The following PCNX2 variants were observed in gnomAD, a reference collection of about 807,000 sequenced individuals.
PCNX2 encodes pecanex-like protein 2.
A neutral mutation model predicts 223.8 loss-of-function variants in PCNX2; 168 were observed. The observed-to-expected ratio is 0.75, with a 90% confidence interval of 0.66 to 0.85. The LOEUF is 0.85. PCNX2 is among the 40% of genes least tolerant of loss of function. The probability of loss-of-function intolerance (pLI) is 0.00; values close to 1 mark genes in which losing one functional copy is unlikely to be tolerated. For missense variants in PCNX2, 2,507 were observed against 2,675.5 expected, an observed-to-expected ratio of 0.94 and a Z score of 1.39; for synonymous variants, 1,006 against 1,052.6, an observed-to-expected ratio of 0.96 and a Z score of 0.86.
intron 1 of PCNX2, among the ~76,000 whole-genome samples, chr1:233,284,520 C>T (rs1184926496): frequency 6.6e-6 from 1 of 152,148 alleles, no homozygotes; most frequent in East Asian, 1.9e-4. Flanking sequence ...GATTCCATCT[C>T]CCATCTTTAC....
chr1:233,090,598 G>A (rs1361352258), intron 22 of PCNX2, among the ~76,000 whole-genome samples: 1 of 152,124 alleles, frequency 6.6e-6, no homozygotes, highest in Non-Finnish European at 1.5e-5. Context: ...TAATATAACT[G>A]TTTGGGAAGG....
chr1:233,120,656 G>A (rs1675728662), intron 21 of PCNX2, among the ~76,000 whole-genome samples: 1 of 152,126 alleles, frequency 6.6e-6, no homozygotes, highest in Non-Finnish European at 1.5e-5. Context: ...TCTTAGAAAA[G>A]TGAGTGAAAA....
At position 233,252,495 on chromosome 1, in the gene PCNX2, G is replaced by A; in HGVS notation, c.1987C>T (p.Gln663Ter). ...TQPAKTTAFF[Q>*]GNRQRQIIYR... ...ATTATCTGTCTTTGTCTATTGCCCT[G>A]AAAACTTAACACATATAAAAGTTTC... Residue 663 changes from glutamine to a stop codon, truncating the protein, a stop_gained, in exon 7 of 34, where the codon CAG becomes TAG. Transcript: ENST00000258229. LOFTEE classifies it high-confidence loss of function. The A allele has an allele frequency of 6.2e-7, 1 of 1,603,716 alleles. No homozygotes were observed. Among genetic ancestry groups the A allele is most frequent in the Non-Finnish European group, 8.5e-7 (1 of 1,173,540 alleles).
chr1:233,066,775 T>C (rs1672628261), intron 23 of PCNX2, among the ~76,000 whole-genome samples: 1 of 152,180 alleles, frequency 6.6e-6, no homozygotes, highest in Non-Finnish European at 1.5e-5. Context: ...GAACCTAGAC[T>C]TCCTCCCTTG....
the PCNX2 span, among the ~76,000 whole-genome samples, chr1:233,324,084 A>C: frequency 6.6e-6 from 1 of 152,270 alleles, no homozygotes; most frequent in Non-Finnish European, 1.5e-5. Flanking sequence ...CAGCTACAAC[A>C]TTCCCTTAAG....
intron 17 of PCNX2, 129 bp from the exon 18 acceptor site, chr1:233,161,492 A>G: frequency 1.4e-6 from 1 of 736,896 alleles, no homozygotes; most frequent in Non-Finnish European, 2.3e-6. Flanking sequence ...CTTACCTGAC[A>G]CACTCATTGG....
At chr1:233,006,270 A>G (rs1319110455) in intron 28 of PCNX2, among the ~76,000 whole-genome samples, 1 of 152,112 alleles carries the variant, frequency 6.6e-6, no homozygotes, top group Non-Finnish European at 1.5e-5. Context: ...TGTACTGCGT[A>G]GGCTGTAACT....
chr1:233,232,772 G>C lies in PCNX2; in HGVS notation c.2358+4073C>G. On this transcript the variant is annotated intron_variant, in intron 9 of 33. Transcript: ENST00000258229. ...ACCTTTATATCTACCTAGAATAACA[G>C]TCAGCCAGGCCTAGCACTGTGCTTA... 4.1e-6 allele frequency: 4 copies of C among 979,744 alleles called. No individual in the cohort carries two copies. The South Asian group carries it at 1.9e-4, about 46-fold the overall frequency. 60.7% of individuals were successfully genotyped at this position (979,744 alleles called of 1,614,324 possible). A position where few individuals can be genotyped will look rare whatever the true frequency, so the allele number is the denominator to read the frequency against.
intron 1 of PCNX2, among the ~76,000 whole-genome samples, chr1:233,270,162 C>T (rs1249102956): frequency 6.6e-6 from 1 of 151,790 alleles, no homozygotes; most frequent in Non-Finnish European, 1.5e-5. Flanking sequence ...GTTATAATTC[C>T]TTGAGGGATT....
chr1:233,084,819 G>A (rs965960615), intron 23 of PCNX2, among the ~76,000 whole-genome samples: 6 of 152,218 alleles, frequency 3.9e-5, no homozygotes, highest in African/African-American at 4.8e-5. Flanking sequence ...CTGACATTAC[G>A]GGGATGTATA....
intron 17 of PCNX2, among the ~76,000 whole-genome samples, chr1:233,163,602 CTATA>C (rs1180234461): frequency 6.6e-6 from 1 of 150,458 alleles, no homozygotes; most frequent in Admixed American, 6.6e-5. Flanking sequence ...AATTATGGGA[CTATA>C]TATATCCCCA....
intron 13 of PCNX2, among the ~76,000 whole-genome samples, chr1:233,200,871 CA>C (rs1681046675): frequency 6.6e-6 from 1 of 150,822 alleles, no homozygotes. Flanking sequence ...AAAAAAAATA[CA>C]AAAATTAGCT....
In PCNX2 at chr1:233,126,290, C is replaced by A. The variant is rs887947993; in HGVS notation, c.3837+8723G>T. On this transcript the variant is annotated intron_variant, in intron 21 of 33. Coordinates refer to ENST00000258229, the MANE Select transcript of PCNX2 (RefSeq NM_014801.4). This position sits in a 1 kb window ranked among gnomAD's most constrained non-coding sequence, Gnocchi z 4.8. ...TTTGTGACCCAAGAAGTCCCAAGTA[C>A]CACAGAAAAGCTTGGAAACAAACTA... The A allele has an allele frequency of 3.9e-5, 6 of 152,076 alleles. No individual in the cohort carries two copies. Among genetic ancestry groups the A allele is most frequent in the African/African-American group, 1.4e-4 (6 of 41,382 alleles). The allele number at this position is 152,076 out of a possible 1,614,324, so 9.4% of individuals were successfully genotyped here. A position where few individuals can be genotyped will look rare whatever the true frequency, so the allele number is the denominator to read the frequency against.
Position 233,218,081 on chromosome 1 carries a change from C to G in PCNX2, c.2608G>C (p.Val870Leu), listed in dbSNP as rs755027222. 6.3e-7 allele frequency: 1 copy of G among 1,588,920 alleles called. No homozygotes were observed. The highest frequency in any genetic ancestry group is 1.1e-5 in the South Asian group (1 of 87,170). ...LSQGFCKDMW[V>L]LLFCLVMASC... ...GCCATGACGAGGCAGAAGAGGAGCA[C>G]CCACATATCTTTGCAAAAGCCTTGG... Residue 870 changes from valine to leucine, a missense_variant, in exon 11 of 34, where the codon GTG (valine) becomes CTG (leucine). Val to Leu is a conservative substitution (Grantham distance 32). This residue lies in a region of PCNX2 where 104 missense variants were observed against 144.4 expected (regional missense o/e 0.72). Transcript: ENST00000258229.
chr1:233,043,525 T>C (rs1401104640), intron 25 of PCNX2, among the ~76,000 whole-genome samples: 1 of 151,324 alleles, frequency 6.6e-6, no homozygotes, highest in East Asian at 1.9e-4. Flanking sequence ...CATTTAGCAT[T>C]AGGTATATCT....
the PCNX2 span, among the ~76,000 whole-genome samples, chr1:233,311,428 C>T: frequency 2.6e-5 from 4 of 152,148 alleles, no homozygotes; most frequent in Admixed American, 1.3e-4. Context: ...GGCTCCAGAG[C>T]GGGGAGAAAT....
intron 28 of PCNX2, among the ~76,000 whole-genome samples, chr1:233,009,109 G>T (rs189512229): frequency 6.6e-6 from 1 of 152,270 alleles, no homozygotes; most frequent in East Asian, 1.9e-4. Context: ...TCACTTCTCT[G>T]TGTTTCAGAA....
chr1:233,176,872 G>A (rs567594525), intron 17 of PCNX2, among the ~76,000 whole-genome samples: 1 of 152,290 alleles, frequency 6.6e-6, no homozygotes, highest in African/African-American at 2.4e-5. Flanking sequence ...AAAATTAGCT[G>A]GGCATGGTGG....
At chr1:233,189,730 A>G (rs1454378735) in intron 15 of PCNX2, among the ~76,000 whole-genome samples, 1 of 152,202 alleles carries the variant, frequency 6.6e-6, no homozygotes, top group Non-Finnish European at 1.5e-5. Context: ...GAAACATTAA[A>G]TTATAATAAT....
Sources: allele counts gnomAD v4.1 joint callset (sites outside exome capture counted in the v4.1 genomes callset), GRCh38; gene constraint gnomAD v4.1.1; regional missense constraint gnomAD v4.1.1; non-coding constraint Gnocchi (gnomAD v3.1); transcripts MANE v1.5; gene names NCBI Gene and HGNC (gene_info 2026-07-23, HGNC 2026-07-21).